The following TAF2 variants were observed in gnomAD, a reference collection of about 807,000 sequenced individuals.
TAF2 encodes transcription initiation factor TFIID subunit 2.
In TAF2, 61 loss-of-function variants were observed where a neutral mutation model predicts 138.5. The ratio of observed to expected loss-of-function variants is 0.44; its 90% confidence interval spans 0.36 to 0.54. The LOEUF is 0.54. Ranked by LOEUF, TAF2 falls within the 20% of genes least tolerant of loss-of-function variation. The probability of loss-of-function intolerance (pLI) is 0.00; values close to 1 mark genes in which losing one functional copy is unlikely to be tolerated. For missense variants in TAF2, 1,090 were observed against 1,427.9 expected (o/e 0.76, Z 3.81); for synonymous variants, 475 against 469.9 (o/e 1.01, Z -0.14).
rs577804710 is a variant in TAF2, at chr8:119,749,680, C to T, written c.2879-2746G>A. Reference sequence around the variant, plus strand: ...TCACTCAGATGATCTTTAAGACTCCCCTCATCAGGTCTAAAATCTGATGAT... The same window carrying T: ...TCACTCAGATGATCTTTAAGACTCCTCTCATCAGGTCTAAAATCTGATGAT... On this transcript the variant is annotated intron_variant, in intron 22 of 25. Coordinates refer to ENST00000378164, the MANE Select transcript of TAF2 (RefSeq NM_003184.4). Among the ~76,000 whole-genome samples, 4 of 152,232 alleles carry T rather than the reference C, an allele frequency of 2.6e-5. No individual in the cohort carries two copies. The South Asian group carries it at 8.3e-4, about 32-fold the overall frequency.
chr8:119,745,257 CAT>C (rs893392513), intron 23 of TAF2, among the ~76,000 whole-genome samples: 2 of 152,108 alleles, frequency 1.3e-5, no homozygotes, highest in African/African-American at 4.8e-5. Flanking sequence ...CCCAAAAGAA[CAT>C]GTCCTTTGAT....
At chr8:119,749,852 A>C (rs1820229662) in intron 22 of TAF2, among the ~76,000 whole-genome samples, 1 of 152,176 alleles carries the variant, frequency 6.6e-6, no homozygotes. Context: ...ACATGACAAA[A>C]TGACAGTCAC....
chr8:119,805,153 C>T (rs1388069814), intron 4 of TAF2, among the ~76,000 whole-genome samples: 2 of 152,108 alleles, frequency 1.3e-5, no homozygotes, highest in Admixed American at 6.6e-5. Flanking sequence ...ATTACAATGG[C>T]TAAAACTTTA....
intron 25 of TAF2, among the ~76,000 whole-genome samples, chr8:119,741,352 A>G (rs1166549749): frequency 6.6e-6 from 1 of 152,206 alleles, no homozygotes; most frequent in Admixed American, 6.5e-5. Flanking sequence ...AAGGAGTTTG[A>G]AATTCTCTAA....
At chr8:119,764,333 A>C (rs1025689981) in intron 18 of TAF2, among the ~76,000 whole-genome samples, 4 of 152,194 alleles carry the variant, frequency 2.6e-5, no homozygotes, top group African/African-American at 9.7e-5. Flanking sequence ...GTACTAAGTC[A>C]TATAAAACTA....
At chr8:119,767,965 G>A (rs552849987) in intron 18 of TAF2, among the ~76,000 whole-genome samples, 4 of 152,162 alleles carry the variant, frequency 2.6e-5, no homozygotes, top group African/African-American at 7.2e-5. Flanking sequence ...AGAGGGGGAG[G>A]CTGAGCACGT....
intron 14 of TAF2, among the ~76,000 whole-genome samples, chr8:119,787,173 C>A (rs986290880): frequency 4.6e-5 from 7 of 151,962 alleles, no homozygotes; most frequent in Non-Finnish European, 1.0e-4. Context: ...GGGCTGATAT[C>A]CAGAATCTAC....
chr8:119,738,596 A>T (rs1819388438), intron 25 of TAF2, among the ~76,000 whole-genome samples: 1 of 152,218 alleles, frequency 6.6e-6, no homozygotes, highest in South Asian at 2.1e-4. Context: ...AGAGATGTTC[A>T]GAGTTGTATT....
At chr8:119,824,007 G>T (rs1044973313) in intron 2 of TAF2, among the ~76,000 whole-genome samples, 5 of 152,158 alleles carry the variant, frequency 3.3e-5, no homozygotes, top group Non-Finnish European at 7.4e-5. Context: ...ATGATTTAGG[G>T]TATCTGGTAG....
chr8:119,801,833 A>G lies in TAF2; in HGVS notation c.753T>C (p.Ile251=). Residue 251 remains isoleucine, a synonymous_variant, in exon 6 of 26, where the codon ATT becomes ATC. Transcript: ENST00000378164. ...PTAASNISLA[I]GPFEILVDPY... is the part of the protein sequence containing the mutation. ...GATCTACCAGTATTTCAAATGGTCC[A>G]ATGGCCAAGGAGATATTTGACGCTG... 6.2e-7 allele frequency: 1 copy of G among 1,614,186 alleles called. No homozygotes were observed. The highest frequency in any genetic ancestry group is 8.5e-7 in the Non-Finnish European group (1 of 1,180,028).
At chr8:119,777,410 GAATA>G (rs1175688352) in intron 18 of TAF2, among the ~76,000 whole-genome samples, 2 of 151,980 alleles carry the variant, frequency 1.3e-5, no homozygotes, top group Non-Finnish European at 1.5e-5. Flanking sequence ...TTTTTTTAAT[GAATA>G]AATAAAGTTC....
intron 22 of TAF2, among the ~76,000 whole-genome samples, chr8:119,749,157 CTTTT>C (rs1820180180): frequency 6.6e-6 from 1 of 152,062 alleles, no homozygotes; most frequent in South Asian, 2.1e-4. Flanking sequence ...TGAGCTAGGG[CTTTT>C]ATTTTGTTTT....
chr8:119,733,733 A>T (rs921232220), intron 25 of TAF2, among the ~76,000 whole-genome samples: 133 of 152,166 alleles, frequency 8.7e-4, no homozygotes, highest in African/African-American at 3.1e-3. Flanking sequence ...TTCCAGAGAT[A>T]CGTGGTTACC....
At chr8:119,765,462 GACA>G (rs1156694860) in intron 18 of TAF2, among the ~76,000 whole-genome samples, 5 of 152,042 alleles carry the variant, frequency 3.3e-5, no homozygotes, top group Admixed American at 6.6e-5. Flanking sequence ...GGGTTAAGGA[GACA>G]ACATTAACAA....
chr8:119,812,718 G>GGTGTGTGTGTGTGT (rs201947539), intron 3 of TAF2, among the ~76,000 whole-genome samples: 16 of 143,964 alleles, frequency 1.1e-4, no homozygotes, highest in Admixed American at 1.0e-3. Context: ...AGTATTCCAT[G>GGTGTGTGTGTGTGT]GTGTGTGTGT....
At chr8:119,748,505 T>C (rs1310537553) in intron 22 of TAF2, among the ~76,000 whole-genome samples, 7 of 151,754 alleles carry the variant, frequency 4.6e-5, no homozygotes, top group Non-Finnish European at 5.9e-5. Context: ...TCAGTTTTGC[T>C]GCTGTGTGAC....
chr8:119,732,327 A>G, intron 25 of TAF2, 141 bp from the exon 26 acceptor site: 1 of 760,634 alleles, frequency 1.3e-6, no homozygotes, highest in Non-Finnish European at 2.2e-6. Context: ...AAGTATCTAA[A>G]TAAGACATGT....
At chr8:119,758,009 C>G in intron 21 of TAF2, 64 bp downstream of exon 21, 1 of 1,333,942 alleles carries the variant, frequency 7.5e-7, no homozygotes. Flanking sequence ...TATGTGTAAT[C>G]TGAAATTACT....
At chr8:119,803,295 T>A (rs569770078) in intron 5 of TAF2, among the ~76,000 whole-genome samples, 1 of 152,208 alleles carries the variant, frequency 6.6e-6, no homozygotes, top group African/African-American at 2.4e-5. Context: ...TTTCTGTATG[T>A]ATGTTTTACT....
Sources: gnomAD v4.1 joint callset for allele counts (sites outside exome capture counted in the v4.1 genomes callset) on GRCh38, gnomAD v4.1.1 for gene constraint, MANE v1.5 for transcripts, NCBI Gene and HGNC (gene_info 2026-07-23, HGNC 2026-07-21) for gene names.